The following CDC14A variants were observed in gnomAD, a reference collection of about 807,000 sequenced individuals.
CDC14A encodes the protein dual specificity protein phosphatase CDC14A.
Under a neutral mutation model 74.4 loss-of-function variants are expected in CDC14A, and 53 were observed. The observed-to-expected ratio is 0.71, with a 90% CI of 0.57 to 0.89. The LOEUF (loss-of-function observed/expected upper bound fraction) is 0.89. CDC14A is among the 40% of genes least tolerant of loss of function. The pLI is 0.00. For missense variants in CDC14A, 646 were observed against 713.7 expected (o/e 0.91, Z 1.08); for synonymous variants, 247 against 258.4 (o/e 0.96, Z 0.43).
chr1:100,467,525 A>G (rs183293936), intron 9 of CDC14A, among the ~76,000 whole-genome samples: 4 of 152,256 alleles, frequency 2.6e-5, no homozygotes, highest in Non-Finnish European at 5.9e-5. Context: ...ACTTACCTAT[A>G]ACTTTCCCTG....
In CDC14A at chr1:100,463,525, T is replaced by C. The variant is rs1667518943; in HGVS notation, c.838+644T>C. Reference sequence around the variant, plus strand: ...TTTGGGGCAGGAATTGTTCAGACTATAGAAGGTTTAGGATTGCCAGATTTA... The same window carrying C: ...TTTGGGGCAGGAATTGTTCAGACTACAGAAGGTTTAGGATTGCCAGATTTA... On this transcript the variant is annotated intron_variant, in intron 9 of 15. Transcript: ENST00000336454. Among the ~76,000 whole-genome samples the C allele has an allele frequency of 3.3e-5, 5 of 152,232 alleles. No individual in the cohort carries two copies. The South Asian group carries it at 1.0e-3, about 32-fold the overall frequency.
At chr1:100,456,856 A>G (rs1442453408) in intron 8 of CDC14A, among the ~76,000 whole-genome samples, 2 of 152,206 alleles carry the variant, frequency 1.3e-5, no homozygotes. Context: ...GCTCACAAAC[A>G]GGATACCTCT....
intron 3 of CDC14A, among the ~76,000 whole-genome samples, chr1:100,389,750 A>C (rs1290638841): frequency 6.6e-6 from 1 of 152,186 alleles, no homozygotes; most frequent in East Asian, 1.9e-4. Flanking sequence ...TGTATAAGAT[A>C]GAAAAAGCTG....
At chr1:100,401,202 A>G (rs1291524408) in intron 4 of CDC14A, among the ~76,000 whole-genome samples, 2 of 152,188 alleles carry the variant, frequency 1.3e-5, no homozygotes, top group Non-Finnish European at 2.9e-5. Context: ...TTTTTTTAGC[A>G]CTTGAAATTA....
At chr1:100,409,986 A>G (rs528581841) in intron 4 of CDC14A, among the ~76,000 whole-genome samples, 23 of 152,320 alleles carry the variant, frequency 1.5e-4, no homozygotes, top group African/African-American at 5.5e-4. Flanking sequence ...TATTTTATCC[A>G]GAGTCAAATT....
At chr1:100,482,127 A>C (rs1159216594) in intron 10 of CDC14A, among the ~76,000 whole-genome samples, 1 of 152,194 alleles carries the variant, frequency 6.6e-6, no homozygotes, top group African/African-American at 2.4e-5. Flanking sequence ...GAAAGTTGTC[A>C]CTTTGTAATT....
chr1:100,371,167 A>G (rs1654420484), intron 2 of CDC14A, among the ~76,000 whole-genome samples: 1 of 152,156 alleles, frequency 6.6e-6, no homozygotes, highest in Non-Finnish European at 1.5e-5. Context: ...CTGAAACCTT[A>G]TTGAAGTTGT....
chr1:100,481,733 A>C (rs1178166573), intron 10 of CDC14A, among the ~76,000 whole-genome samples: 1 of 152,228 alleles, frequency 6.6e-6, no homozygotes, highest in East Asian at 1.9e-4. Context: ...TTTAAAGCAC[A>C]TGCCCTTTTT....
chr1:100,454,145 T>C (rs967040810), intron 7 of CDC14A, among the ~76,000 whole-genome samples: 4 of 152,206 alleles, frequency 2.6e-5, no homozygotes, highest in African/African-American at 7.2e-5. Flanking sequence ...CAGTTTTTTT[T>C]TGATGGCCAT....
intron 2 of CDC14A, among the ~76,000 whole-genome samples, chr1:100,375,861 C>T (rs547346545): frequency 9.9e-5 from 15 of 152,232 alleles, no homozygotes; most frequent in East Asian, 7.7e-4. Flanking sequence ...ATGTTTATTG[C>T]GGCACTATTC....
chr1:100,469,968 T>G (rs1326591283), intron 10 of CDC14A, among the ~76,000 whole-genome samples: 1 of 152,174 alleles, frequency 6.6e-6, no homozygotes, highest in Non-Finnish European at 1.5e-5. Flanking sequence ...TATAAAGAAC[T>G]CTCAAAACTC....
At chr1:100,483,485 A>G (rs1557811033) in intron 10 of CDC14A, among the ~76,000 whole-genome samples, 1 of 152,170 alleles carries the variant, frequency 6.6e-6, no homozygotes, top group Non-Finnish European at 1.5e-5. Flanking sequence ...GATATTTTTT[A>G]TGACGAACCA....
intron 15 of CDC14A, among the ~76,000 whole-genome samples, chr1:100,500,628 G>A (rs1002316855): frequency 4.0e-5 from 6 of 150,938 alleles, no homozygotes; most frequent in African/African-American, 7.3e-5. Flanking sequence ...GTGGTGGCAC[G>A]CACCTGTAAT....
intron 7 of CDC14A, among the ~76,000 whole-genome samples, chr1:100,453,921 C>T (rs977151642): frequency 3.9e-5 from 6 of 152,304 alleles, no homozygotes; most frequent in African/African-American, 7.2e-5. Flanking sequence ...GGATTACAGG[C>T]GCGAGCCGCC....
At chr1:100,362,953 G>C (rs1239613984) in intron 2 of CDC14A, among the ~76,000 whole-genome samples, 2 of 152,230 alleles carry the variant, frequency 1.3e-5, no homozygotes, top group African/African-American at 4.8e-5. Flanking sequence ...GTGAGACAGA[G>C]GAGTCCAAAG....
At chr1:100,443,045 T>A in intron 7 of CDC14A, 49 bp downstream of exon 7, 1 of 1,279,958 alleles carries the variant, frequency 7.8e-7, no homozygotes, top group Non-Finnish European at 1.1e-6. Flanking sequence ...TGTTGATTAA[T>A]TTTTTCCCCC....
chr1:100,409,865 T>A (rs1660443782), intron 4 of CDC14A, among the ~76,000 whole-genome samples: 1 of 152,198 alleles, frequency 6.6e-6, no homozygotes, highest in African/African-American at 2.4e-5. Context: ...AATCCTTGAA[T>A]CTCATCAGTT....
In CDC14A at chr1:100,498,936, A is replaced by T. The variant is rs779554716; in HGVS notation, c.1429A>T (p.Ile477Leu). The T allele has an allele frequency of 1.9e-6, 3 of 1,608,696 alleles. No homozygotes were observed. Among genetic ancestry groups the T allele is most frequent in the Admixed American group, 1.7e-5 (1 of 59,440 alleles). The stretch of plus-strand genomic sequence containing the variant: ...CTTGTGTTTTCCATTCAGCTTTTCC[A>T]TAAACTCCCGGCTAGCCAGTTCTCT... ...SSGATVRSFS[I>L]NSRLASSLGN... The change falls in exon 15 of 16, where the codon ATA (isoleucine) becomes TTA (leucine). Residue 477 changes from isoleucine (I) to leucine (L), a missense_variant. By Grantham distance (5) the Ile-to-Leu change is conservative (BLOSUM62 2). Transcript: ENST00000336454.
At chr1:100,515,386 C>CT (rs368562046) in intron 15 of CDC14A, among the ~76,000 whole-genome samples, 258 of 140,162 alleles carry the variant, frequency 1.8e-3, no homozygotes, top group Admixed American at 3.7e-3. Context: ...TTCTTTCTTT[C>CT]TTTTTTTTTT....
Sources: allele counts gnomAD v4.1 joint callset (sites outside exome capture counted in the v4.1 genomes callset), GRCh38; gene constraint gnomAD v4.1.1; transcripts MANE v1.5; gene names NCBI Gene and HGNC (gene_info 2026-07-23, HGNC 2026-07-21).